Variants in NDEL1 observed in about 807,000 individuals in gnomAD.
The protein encoded by NDEL1 is nudE neurodevelopment protein 1 like 1.
In NDEL1, 9 loss-of-function variants were observed where a neutral mutation model predicts 45.7. The ratio of observed to expected loss-of-function variants is 0.20; its 90% confidence interval spans 0.12 to 0.34. The LOEUF (loss-of-function observed/expected upper bound fraction) is 0.34, where lower values mean the gene tolerates loss of function less well. NDEL1 is among the 10% of genes least tolerant of loss of function. The pLI is 1.00. For missense variants in NDEL1, 306 were observed against 406.2 expected, an observed-to-expected ratio of 0.75 and a Z score of 2.12; for synonymous variants, 133 against 158.6, an observed-to-expected ratio of 0.84 and a Z score of 1.21.
chr17:8,473,057 T>A (rs1911915260), downstream of NDEL1, among the ~76,000 whole-genome samples: 1 of 152,208 alleles, frequency 6.6e-6, no homozygotes, highest in African/African-American at 2.4e-5. Flanking sequence ...GAAGGGACCC[T>A]TTTAGTTATT....
intron 7 of NDEL1, among the ~76,000 whole-genome samples, chr17:8,456,557 G>A (rs571741424): frequency 6.8e-6 from 1 of 146,426 alleles, no homozygotes; most frequent in African/African-American, 2.5e-5. Context: ...GGAGTGCAGC[G>A]GCACGATCTC....
At chr17:8,429,661 G>T (rs966465451) in intron 1 of NDEL1, among the ~76,000 whole-genome samples, 2 of 152,092 alleles carry the variant, frequency 1.3e-5, no homozygotes, top group Non-Finnish European at 2.9e-5. Context: ...CATGCTGGTG[G>T]GTCTGGCCAG....
At chr17:8,424,843 A>AT (rs1908791521) in intron 1 of NDEL1, among the ~76,000 whole-genome samples, 1 of 151,912 alleles carries the variant, frequency 6.6e-6, no homozygotes, top group Non-Finnish European at 1.5e-5. Context: ...TTCCTTTTAC[A>AT]TTTTTTGTAG....
upstream of NDEL1, among the ~76,000 whole-genome samples, chr17:8,434,213 G>C (rs1375735485): frequency 6.6e-6 from 1 of 152,176 alleles, no homozygotes; most frequent in Non-Finnish European, 1.5e-5. Flanking sequence ...CTGAAGTCAG[G>C]AGTTCTTTTT....
chr17:8,448,896 G>A (rs1319154834), intron 5 of NDEL1, among the ~76,000 whole-genome samples: 1 of 152,158 alleles, frequency 6.6e-6, no homozygotes, highest in Non-Finnish European at 1.5e-5. Context: ...TGGTGTAGGT[G>A]GGGGTCCTGG....
chr17:8,462,060 A>G (rs1283466249), intron 8 of NDEL1, among the ~76,000 whole-genome samples: 1 of 151,556 alleles, frequency 6.6e-6, no homozygotes, highest in African/African-American at 2.4e-5. Flanking sequence ...AGATGTGGGG[A>G]CCTTAGGGTG....
chr17:8,441,931 C>T (rs1388929418), intron 1 of NDEL1, among the ~76,000 whole-genome samples: 1 of 152,142 alleles, frequency 6.6e-6, no homozygotes, highest in South Asian at 2.1e-4. Context: ...CTAGTACCTT[C>T]TGAGTTCTTG....
In NDEL1 at chr17:8,473,420, C is replaced by A. The variant is rs140958913; in HGVS notation, c.417+13260C>A. On this transcript the variant is annotated intron_variant, in intron 3 of 3. Transcript: ENST00000581679. ...CAGGCTGGATTCGAACTTCTGACCTCAAATGATCCACCTGCTTTGGCCTCC... is the reference window on the plus strand; with the variant it reads ...CAGGCTGGATTCGAACTTCTGACCTAAAATGATCCACCTGCTTTGGCCTCC... Among the ~76,000 whole-genome samples, 683 of 152,332 alleles carry A rather than the reference C, an allele frequency of 4.5e-3. 4 individuals are homozygous for A. Among genetic ancestry groups the A allele is most frequent in the African/African-American group, 0.015 (627 of 41,570 alleles).
intron 1 of NDEL1, among the ~76,000 whole-genome samples, chr17:8,418,280 G>A (rs1008564642): frequency 6.6e-6 from 1 of 152,098 alleles, no homozygotes; most frequent in South Asian, 2.1e-4. Context: ...GAAGATACAC[G>A]TGTTTAATCC....
intron 1 of NDEL1, among the ~76,000 whole-genome samples, chr17:8,430,183 A>G (rs1449527103): frequency 6.6e-6 from 1 of 152,184 alleles, no homozygotes; most frequent in East Asian, 1.9e-4. Flanking sequence ...TTCGGCATGT[A>G]GAGCTGGAGG....
upstream of NDEL1, among the ~76,000 whole-genome samples, chr17:8,434,009 T>G (rs1354778563): frequency 6.6e-6 from 1 of 152,212 alleles, no homozygotes; most frequent in East Asian, 1.9e-4. Flanking sequence ...TCCATCGCCC[T>G]CAAAAATATA....
chr17:8,472,109 T>C (rs1424219924), downstream of NDEL1, among the ~76,000 whole-genome samples: 1 of 152,154 alleles, frequency 6.6e-6, no homozygotes, highest in Non-Finnish European at 1.5e-5. Flanking sequence ...TTGACAACAG[T>C]GAGCTCTCTT....
rs1473815269 is a variant in NDEL1 at position 8,466,990 on chromosome 17, G to A, written c.1005G>A (p.Ser335=). 5.6e-6 allele frequency: 9 copies of A among 1,614,012 alleles called. No individual in the cohort carries two copies. The African/African-American group carries it at 6.7e-5, about 12-fold the overall frequency. ...PPPGLGSSRP[S]SAPGMLPLSV is the part of the protein sequence containing the mutation. ...CTGGTCTGGGCTCCTCGCGTCCATCGTCAGCGCCGGGTATGCTGCCTCTCA... is the reference window on the plus strand; with the variant it reads ...CTGGTCTGGGCTCCTCGCGTCCATCATCAGCGCCGGGTATGCTGCCTCTCA... The change falls in exon 9 of 9, where the codon TCG becomes TCA. Residue 335 remains serine (S), a synonymous_variant. Transcript: ENST00000334527.
intron 3 of NDEL1, among the ~76,000 whole-genome samples, chr17:8,473,953 A>C (rs1912069131): frequency 6.6e-6 from 1 of 151,284 alleles, no homozygotes; most frequent in Non-Finnish European, 1.5e-5. Flanking sequence ...CTCCTAAATC[A>C]CTCCCTTGAC....
upstream of NDEL1, among the ~76,000 whole-genome samples, chr17:8,432,359 A>ATATATATATATTATATATAAATTAT (rs1567722422): frequency 1.7e-5 from 1 of 59,812 alleles, no homozygotes; most frequent in African/African-American, 4.9e-5. Context: ...TATAAATATA[A>ATATATATATATTATATATAAATTAT]ATATATATAT....
At chr17:8,469,960 G>A (rs1012461061), downstream of NDEL1, among the ~76,000 whole-genome samples, 1 of 149,440 alleles carries the variant, frequency 6.7e-6, no homozygotes, top group African/African-American at 2.5e-5. Flanking sequence ...CACCCGCCTC[G>A]GCCTCCCAAA....
chr17:8,444,507 G>A, intron 2 of NDEL1, 150 bp downstream of exon 2: 1 of 595,288 alleles, frequency 1.7e-6, no homozygotes, highest in Admixed American at 3.1e-5. Flanking sequence ...CACCACATGG[G>A]TTGTATTTAA....
intron 1 of NDEL1, among the ~76,000 whole-genome samples, chr17:8,425,613 A>G (rs2151696127): frequency 6.6e-6 from 1 of 151,680 alleles, no homozygotes; most frequent in Middle Eastern, 3.4e-3. Flanking sequence ...GAAAGCTTTT[A>G]TTCATTGAAT....
chr17:8,418,294 A>G (rs1908601957), intron 1 of NDEL1, among the ~76,000 whole-genome samples: 2 of 152,182 alleles, frequency 1.3e-5, no homozygotes, highest in African/African-American at 4.8e-5. Context: ...TTAATCCATC[A>G]TGGTAACTGA....
Sources: allele counts gnomAD v4.1 joint callset (sites outside exome capture counted in the v4.1 genomes callset), GRCh38; gene constraint gnomAD v4.1.1; transcripts MANE v1.5; gene names NCBI Gene and HGNC (gene_info 2026-07-23, HGNC 2026-07-21).